The following TRIM2 variants were observed in gnomAD, a reference collection of about 807,000 sequenced individuals.
The protein encoded by TRIM2 is tripartite motif containing 2, also known as tripartite motif-containing protein 2.
Under a neutral mutation model 75.2 loss-of-function variants are expected in TRIM2, and 20 were observed. That is an observed-to-expected ratio of 0.27 (90% CI 0.19 to 0.39). TRIM2 has a LOEUF of 0.39. Among genes scored for constraint, TRIM2 ranks in the 10% least tolerant of loss-of-function variants. The pLI is 1.00. For synonymous variants in TRIM2, 373 were observed against 388.3 expected (o/e 0.96, Z 0.46); for missense variants, 660 against 990.8 (o/e 0.67, Z 4.48).
intron 1 of TRIM2, among the ~76,000 whole-genome samples, chr4:153,177,471 C>A (rs1365585880): frequency 6.6e-6 from 1 of 152,026 alleles, no homozygotes; most frequent in African/African-American, 2.4e-5. Context: ...CATGGTGAAA[C>A]CCCGTCTCTA....
chr4:153,164,259 C>G (rs1396477458), intron 1 of TRIM2, among the ~76,000 whole-genome samples: 1 of 152,212 alleles, frequency 6.6e-6, no homozygotes, highest in Non-Finnish European at 1.5e-5. Flanking sequence ...CTAACTCAGT[C>G]TCCCAAAGTG....
At chr4:153,307,943 C>T (rs1248276460) in intron 6 of TRIM2, 7 of 754,698 alleles carry the variant, frequency 9.3e-6, no homozygotes, top group Non-Finnish European at 1.5e-5. Context: ...TGGAGTCGTA[C>T]AGCCGGTCAG....
At chr4:153,296,694 G>A (rs1345837453) in intron 6 of TRIM2, among the ~76,000 whole-genome samples, 2 of 152,222 alleles carry the variant, frequency 1.3e-5, no homozygotes, top group Non-Finnish European at 2.9e-5. Flanking sequence ...AATGCAAATA[G>A]CCCTTCCCTC....
At chr4:153,191,810 T>A (rs1464449001) in intron 1 of TRIM2, among the ~76,000 whole-genome samples, 1 of 152,224 alleles carries the variant, frequency 6.6e-6, no homozygotes, top group Non-Finnish European at 1.5e-5. Flanking sequence ...TTAACAAGCC[T>A]TCCTATAGTA....
At chr4:153,313,124 C>T (rs559780555) in intron 6 of TRIM2, among the ~76,000 whole-genome samples, 2 of 152,126 alleles carry the variant, frequency 1.3e-5, no homozygotes, top group Non-Finnish European at 2.9e-5. Context: ...CACATATCCC[C>T]CTTCGAGGGC....
chr4:153,179,879 TG>T (rs1560789877), intron 1 of TRIM2, among the ~76,000 whole-genome samples: 2 of 152,214 alleles, frequency 1.3e-5, no homozygotes, highest in African/African-American at 4.8e-5. Context: ...CCAGCCACTG[TG>T]TTGAAGATGC....
chr4:153,317,180 G>A (rs1358628824), intron 8 of TRIM2, among the ~76,000 whole-genome samples: 2 of 150,246 alleles, frequency 1.3e-5, no homozygotes, highest in South Asian at 2.1e-4. Context: ...ACGCCTGGCC[G>A]CATTATGCCT....
At chr4:153,210,323 C>T (rs1432454061) in intron 1 of TRIM2, among the ~76,000 whole-genome samples, 1 of 152,100 alleles carries the variant, frequency 6.6e-6, no homozygotes, top group Non-Finnish European at 1.5e-5. Context: ...CCTTGACCTC[C>T]CAAAGTAATG....
chr4:153,191,097 C>T (rs1240992569), intron 1 of TRIM2, among the ~76,000 whole-genome samples: 2 of 152,286 alleles, frequency 1.3e-5, no homozygotes, highest in African/African-American at 2.4e-5. Context: ...TAGCTTTATT[C>T]TCTTCTTCTG....
chr4:153,170,467 C>T (rs555208073), intron 1 of TRIM2, among the ~76,000 whole-genome samples: 37 of 152,098 alleles, frequency 2.4e-4, no homozygotes, highest in African/African-American at 8.2e-4. Context: ...TTGGGGGTGG[C>T]GGCAGGGAGC....
At chr4:153,220,212 G>A (rs1276789724) in intron 1 of TRIM2, among the ~76,000 whole-genome samples, 1 of 152,092 alleles carries the variant, frequency 6.6e-6, no homozygotes, top group African/African-American at 2.4e-5. Context: ...GGTGACTGCT[G>A]ATGCTTTGAG....
intron 4 of TRIM2, 100 bp from the exon 5 acceptor site, chr4:153,294,205 A>G (rs1028619467): frequency 1.9e-5 from 23 of 1,199,696 alleles, no homozygotes; most frequent in Non-Finnish European, 2.6e-5. Flanking sequence ...AAAGATGATG[A>G]AAGGCATAGA....
At chr4:153,305,889 C>A (rs894789859) in intron 6 of TRIM2, among the ~76,000 whole-genome samples, 1 of 152,150 alleles carries the variant, frequency 6.6e-6, no homozygotes, top group African/African-American at 2.4e-5. Context: ...CCTGTGGGAG[C>A]ACTTTGGGAG....
At chr4:153,201,785 A>G (rs1408988456), upstream of TRIM2, among the ~76,000 whole-genome samples, 10 of 152,208 alleles carry the variant, frequency 6.6e-5, no homozygotes, top group Admixed American at 1.3e-4. Flanking sequence ...GGTGTCCTGA[A>G]GCTTTTTAAA....
intron 1 of TRIM2, among the ~76,000 whole-genome samples, chr4:153,255,389 A>C (rs528355568): frequency 1.1e-4 from 16 of 152,224 alleles, no homozygotes; most frequent in Admixed American, 2.0e-4. Context: ...GTTGACTGGA[A>C]GAAGAGAATG....
At chr4:153,260,726 A>ACACACACACACACACAC (rs768881075) in intron 1 of TRIM2, among the ~76,000 whole-genome samples, 1 of 101,578 alleles carries the variant, frequency 9.8e-6, no homozygotes, top group African/African-American at 3.8e-5. Flanking sequence ...ACACACACAC[A>ACACACACACACACACAC]TCATCATCAT....
intron 1 of TRIM2, among the ~76,000 whole-genome samples, chr4:153,216,827 A>G (rs1213796367): frequency 1.3e-5 from 2 of 152,186 alleles, no homozygotes. Flanking sequence ...AAGTCCTTTT[A>G]TAAAGGCATT....
chr4:153,204,473 G>T lies in TRIM2; in HGVS notation c.-58G>T. On this transcript the variant is annotated 5_prime_UTR_variant, in exon 1 of 12. Transcript: ENST00000338700. ...CTTGATGACTATAATGGGCCCAGTT[G>T]TCTGCGGGCTGCGGGGAGCTAAGTC... The T allele has an allele frequency of 1.9e-6, 3 of 1,547,686 alleles. No homozygotes were observed. The highest frequency in any genetic ancestry group is 2.6e-6 in the Non-Finnish European group (3 of 1,143,418).
At chr4:153,331,193 C>T (rs958087773) in intron 11 of TRIM2, among the ~76,000 whole-genome samples, 10 of 152,038 alleles carry the variant, frequency 6.6e-5, no homozygotes, top group Non-Finnish European at 1.3e-4. Flanking sequence ...CATGGTGGCA[C>T]ATGTCTATAG....
Sources: gnomAD v4.1 joint callset for allele counts (sites outside exome capture counted in the v4.1 genomes callset) on GRCh38, gnomAD v4.1.1 for gene constraint, MANE v1.5 for transcripts, NCBI Gene and HGNC (gene_info 2026-07-23, HGNC 2026-07-21) for gene names.